Variants in KCND2 observed in about 807,000 individuals in gnomAD.
KCND2 encodes potassium voltage-gated channel subfamily D member 2.
KCND2 carries 16 observed loss-of-function variants against 54.4 expected under a neutral mutation model. That is an observed-to-expected ratio of 0.29 (90% CI 0.20 to 0.45). KCND2 has a LOEUF of 0.45. Among genes scored for constraint, KCND2 ranks in the 20% least tolerant of loss-of-function variants. KCND2 has a pLI of 1.00. For missense variants in KCND2, 486 were observed against 824.2 expected, an observed-to-expected ratio of 0.59 and a Z score of 5.02; for synonymous variants, 317 against 310.7, an observed-to-expected ratio of 1.02 and a Z score of -0.21.
rs1252303407 is a variant in KCND2, at chr7:120,747,927, A to G, written c.*69A>G. The G allele has an allele frequency of 8.3e-7, 1 of 1,209,648 alleles. No individual in the cohort carries two copies. The highest frequency in any genetic ancestry group is 1.2e-6 in the Non-Finnish European group (1 of 832,646). The allele number at this position is 1,209,648 out of a possible 1,614,324, so 74.9% of individuals were successfully genotyped here. A position where few individuals can be genotyped will look rare whatever the true frequency, so the allele number is the denominator to read the frequency against. ...AAAAGAATCTCAACATAGAAGAAAG[A>G]AGAAACAATAAATATTCTGCAGATT... On this transcript the variant is annotated 3_prime_UTR_variant, in exon 6 of 6. Coordinates refer to ENST00000331113, the MANE Select transcript of KCND2 (RefSeq NM_012281.3).
At chr7:120,368,226 C>G (rs1228856935) in intron 1 of KCND2, among the ~76,000 whole-genome samples, 1 of 151,992 alleles carries the variant, frequency 6.6e-6, no homozygotes, top group Non-Finnish European at 1.5e-5. Context: ...TCTTCAGATT[C>G]TTCTGGCGGA....
intron 1 of KCND2, among the ~76,000 whole-genome samples, chr7:120,645,670 G>C (rs1440644047): frequency 2.6e-5 from 4 of 152,198 alleles, no homozygotes; most frequent in Non-Finnish European, 5.9e-5. Context: ...GCTGGCCACT[G>C]ACAATTGGCA....
chr7:120,444,177 G>T (rs1382653053), intron 1 of KCND2, among the ~76,000 whole-genome samples: 2 of 152,058 alleles, frequency 1.3e-5, no homozygotes, highest in Non-Finnish European at 2.9e-5. Context: ...CTTGTCAGGT[G>T]CTTTCTATTG....
Position 120,363,891 on chromosome 7 carries a change from G to A in KCND2, c.1115+88144G>A, listed in dbSNP as rs575933935. Among the ~76,000 whole-genome samples the A allele has an allele frequency of 1.5e-3, 222 of 152,094 alleles. 1 individual carries two copies. The highest frequency in any genetic ancestry group is 3.4e-3 in the Middle Eastern group (1 of 294). On this transcript the variant is annotated intron_variant, in intron 1 of 5. Transcript: ENST00000331113. ...TGCCCTTCTCACTGGCATTCTTATTGCTTTTCTTATTCCTGGAACACAGGA... is the reference window on the plus strand; with the variant it reads ...TGCCCTTCTCACTGGCATTCTTATTACTTTTCTTATTCCTGGAACACAGGA...
chr7:120,526,561 G>GA (rs1791776386), intron 1 of KCND2, among the ~76,000 whole-genome samples: 1 of 152,078 alleles, frequency 6.6e-6, no homozygotes, highest in South Asian at 2.1e-4. Context: ...ATTATTTTGA[G>GA]AAACTTCACA....
At chr7:120,673,900 CTT>C (rs1215343589) in intron 1 of KCND2, among the ~76,000 whole-genome samples, 1 of 148,728 alleles carries the variant, frequency 6.7e-6, no homozygotes, top group African/African-American at 2.5e-5. Flanking sequence ...TTACCTGCCT[CTT>C]TTATTTATTT....
At chr7:120,273,071 C>T (rs1157083263), upstream of KCND2, among the ~76,000 whole-genome samples, 1 of 152,068 alleles carries the variant, frequency 6.6e-6, no homozygotes, top group Non-Finnish European at 1.5e-5. Flanking sequence ...CCCTCGGTGA[C>T]ATTTTGCGCC....
intron 1 of KCND2, among the ~76,000 whole-genome samples, chr7:120,597,890 G>A (rs965635505): frequency 3.3e-5 from 5 of 152,042 alleles, no homozygotes; most frequent in African/African-American, 4.8e-5. Flanking sequence ...AATTGCCACA[G>A]CTGTGATTTA....
intron 1 of KCND2, among the ~76,000 whole-genome samples, chr7:120,484,970 T>C (rs966043922): frequency 6.6e-6 from 1 of 152,146 alleles, no homozygotes; most frequent in Admixed American, 6.5e-5. Context: ...CACTGCAACC[T>C]TGAACTCCTG....
intron 1 of KCND2, among the ~76,000 whole-genome samples, chr7:120,429,266 A>G (rs892507908): frequency 6.6e-6 from 1 of 152,186 alleles, no homozygotes; most frequent in African/African-American, 2.4e-5. Context: ...GGGTGAAGCT[A>G]TTGGCAGTTA....
rs372421333 is a variant in KCND2, at chr7:120,397,972, AGTGT to A, written c.1115+122246_1115+122249del. On this transcript the variant is annotated intron_variant, in intron 1 of 5. Transcript: ENST00000331113. ...ACATAACTATATGTGTGTGTATATAAGTGTGTGTGTGTGTGTGTGTGTGTATATA... is the reference window on the plus strand; with the variant it reads ...ACATAACTATATGTGTGTGTATATAAGTGTGTGTGTGTGTGTGTGTATATA... Among the ~76,000 whole-genome samples, 826 of 109,044 alleles carry A rather than the reference AGTGT, an allele frequency of 7.6e-3. 2 individuals are homozygous for A. Among genetic ancestry groups the A allele is most frequent in the African/African-American group, 8.7e-3 (248 of 28,460 alleles). 71.5% of individuals were successfully genotyped at this position (109,044 alleles called of 152,430 possible).
At chr7:120,616,153 C>T (rs1353263183) in intron 1 of KCND2, among the ~76,000 whole-genome samples, 2 of 152,178 alleles carry the variant, frequency 1.3e-5, no homozygotes, top group Admixed American at 6.5e-5. Context: ...TACTGGATTT[C>T]ACAGGCTTAA....
chr7:120,429,445 C>G (rs776956539), intron 1 of KCND2, among the ~76,000 whole-genome samples: 1 of 145,786 alleles, frequency 6.9e-6, no homozygotes, highest in East Asian at 2.0e-4. Context: ...GGAAGTTACA[C>G]AAAAATAGCT....
intron 1 of KCND2, among the ~76,000 whole-genome samples, chr7:120,414,164 A>G (rs940243886): frequency 1.3e-5 from 2 of 152,072 alleles, no homozygotes; most frequent in Non-Finnish European, 2.9e-5. Flanking sequence ...TAAGTGTGCC[A>G]TGCTTTAAAA....
intron 1 of KCND2, among the ~76,000 whole-genome samples, chr7:120,628,868 T>C (rs1221987181): frequency 6.6e-6 from 1 of 152,032 alleles, no homozygotes; most frequent in East Asian, 2.0e-4. Flanking sequence ...TAAATTTTTA[T>C]TGTGTTCTTA....
chr7:120,406,902 C>T (rs1372312837), intron 1 of KCND2, among the ~76,000 whole-genome samples: 6 of 151,864 alleles, frequency 4.0e-5, no homozygotes, highest in Non-Finnish European at 7.4e-5. Flanking sequence ...CTTTTGAATG[C>T]CTGGCTATGT....
At chr7:120,716,296 G>A (rs767857294) in intron 1 of KCND2, among the ~76,000 whole-genome samples, 20 of 151,676 alleles carry the variant, frequency 1.3e-4, no homozygotes, top group Non-Finnish European at 2.8e-4. Context: ...TGCTTTTTCT[G>A]ATTTTATTTC....
chr7:120,393,365 A>G (rs1370546626), intron 1 of KCND2, among the ~76,000 whole-genome samples: 1 of 152,044 alleles, frequency 6.6e-6, no homozygotes, highest in African/African-American at 2.4e-5. Flanking sequence ...TAATCCATGG[A>G]AAATCATTCT....
chr7:120,637,040 T>C (rs1793313494), intron 1 of KCND2, among the ~76,000 whole-genome samples: 1 of 152,118 alleles, frequency 6.6e-6, no homozygotes, highest in Non-Finnish European at 1.5e-5. Flanking sequence ...CGTGTAATTT[T>C]ATTCAACAGG....
Sources: gnomAD v4.1 joint callset for allele counts (sites outside exome capture counted in the v4.1 genomes callset) on GRCh38, gnomAD v4.1.1 for gene constraint, MANE v1.5 for transcripts, NCBI Gene and HGNC (gene_info 2026-07-23, HGNC 2026-07-21) for gene names.